The following TAF15 variants were observed in gnomAD, a reference collection of about 807,000 sequenced individuals.
TAF15 encodes the protein TATA-binding protein-associated factor 2N.
TAF15 carries 37 observed loss-of-function variants against 102.5 expected under a neutral mutation model. That is an observed-to-expected ratio of 0.36 (90% CI 0.28 to 0.47). The LOEUF (loss-of-function observed/expected upper bound fraction) is 0.47, where lower values mean the gene tolerates loss of function less well. Among genes scored for constraint, TAF15 ranks in the 20% least tolerant of loss-of-function variants. The pLI, the probability that TAF15 is intolerant of heterozygous loss-of-function variation, is 0.99. For missense variants in TAF15, 652 were observed against 760.7 expected, an observed-to-expected ratio of 0.86 and a Z score of 1.68; for synonymous variants, 273 against 259.2, an observed-to-expected ratio of 1.05 and a Z score of -0.51.
In TAF15 at chr17:35,847,241, T is replaced by A; in HGVS notation, c.*296T>A. The A allele has an allele frequency of 1.7e-6, 1 of 598,322 alleles. No homozygotes were observed. Among genetic ancestry groups the A allele is most frequent in the Non-Finnish European group, 3.0e-6 (1 of 337,336 alleles). 37.1% of individuals were successfully genotyped at this position (598,322 alleles called of 1,614,324 possible). A position where few individuals can be genotyped will look rare whatever the true frequency, so the allele number is the denominator to read the frequency against. On this transcript the variant is annotated 3_prime_UTR_variant, in exon 16 of 16. Transcript: ENST00000605844. ...GGCTGCTTGTTTTTGTGGACTTTTG[T>A]ACATACTAGTGCATTGTTCTGTCAC...
At chr17:35,820,291 A>T in intron 4 of TAF15, 41 bp from the exon 5 acceptor site, 1 of 1,613,862 alleles carries the variant, frequency 6.2e-7, no homozygotes, top group Non-Finnish European at 8.5e-7. Flanking sequence ...AGATTGAAAA[A>T]TCAGAGCCTT....
chr17:35,812,323 G>C (rs536361790), intron 1 of TAF15, among the ~76,000 whole-genome samples: 1 of 152,210 alleles, frequency 6.6e-6, no homozygotes, highest in South Asian at 2.1e-4. Context: ...ACGGCTGGGC[G>C]TGGTGGCTCA....
At position 35,844,618 on chromosome 17, in the gene TAF15, A is replaced by G. The variant is rs1200279896; in HGVS notation, c.1319A>G (p.Asp440Gly). ...AGCAGCGGTGGTGGCTACAGCGGAGATAGAAGTGGGGGCGGCTATGGTGGA... is the reference window on the plus strand; with the variant it reads ...AGCAGCGGTGGTGGCTACAGCGGAGGTAGAAGTGGGGGCGGCTATGGTGGA... ...DRSSGGGYSG[D>G]RSGGGYGGDR... Residue 440 changes from aspartate (D) to glycine (G), a missense_variant, in exon 15 of 16, where the codon GAT (aspartate) becomes GGT (glycine). By Grantham distance (94) the Asp-to-Gly change is moderately conservative (BLOSUM62 -1). Around this residue, in one of 3 missense-constraint regions of TAF15, gnomAD observed 368 missense variants for 367.5 expected, o/e 1.00. Transcript: ENST00000605844. The G allele has an allele frequency of 2.0e-6, 3 of 1,493,154 alleles. No individual in the cohort carries two copies. The highest frequency in any genetic ancestry group is 3.7e-5 in the African/African-American group (2 of 53,862). 92.5% of individuals were successfully genotyped at this position (1,493,154 alleles called of 1,614,324 possible).
In TAF15 at chr17:35,847,230, G is replaced by A. The variant is rs1223238728; in HGVS notation, c.*285G>A. On this transcript the variant is annotated 3_prime_UTR_variant, in exon 16 of 16. Coordinates refer to ENST00000605844, the MANE Select transcript of TAF15 (RefSeq NM_139215.3). Reference sequence around the variant, plus strand: ...ACTGCAATAAAGGCTGCTTGTTTTTGTGGACTTTTGTACATACTAGTGCAT... The same window carrying A: ...ACTGCAATAAAGGCTGCTTGTTTTTATGGACTTTTGTACATACTAGTGCAT... 3.3e-6 allele frequency: 2 copies of A among 599,390 alleles called. No homozygotes were observed. The highest frequency in any genetic ancestry group is 5.9e-5 in the Admixed American group (2 of 33,860). The allele number at this position is 599,390 out of a possible 1,614,324, so 37.1% of individuals were successfully genotyped here. A position where few individuals can be genotyped will look rare whatever the true frequency, so the allele number is the denominator to read the frequency against.
At chr17:35,829,991 T>C (rs1048904632) in intron 7 of TAF15, 1 of 151,790 alleles carries the variant, frequency 6.6e-6, no homozygotes, top group Admixed American at 6.6e-5. Context: ...AATACAAAAA[T>C]TAGCTGGGCA....
At position 35,842,462 on chromosome 17, in the gene TAF15, A is replaced by G. The variant is rs573414793; in HGVS notation, c.1006+3A>G. 169 of 1,610,890 alleles carry G rather than the reference A, an allele frequency of 1.0e-4. No homozygotes were observed. The highest frequency in any genetic ancestry group is 6.8e-4 in the Admixed American group (41 of 59,982). On this transcript the variant is annotated splice_donor_region_variant and intron_variant, in intron 12 of 15. Coordinates refer to ENST00000605844, the MANE Select transcript of TAF15 (RefSeq NM_139215.3). ...TGGAAGTGGAGGTGGGCGGCGAGGT[A>G]AGATCCTTGCTGCGTACAGTCCTGG...
intron 1 of TAF15, among the ~76,000 whole-genome samples, chr17:35,812,583 CAAAAAA>C (rs34497840): frequency 4.5e-5 from 3 of 66,280 alleles, no homozygotes; most frequent in African/African-American, 1.1e-4. Flanking sequence ...AACTCTATCT[CAAAAAA>C]AAAAAAAAAA....
At chr17:35,831,169 G>A (rs190411537) in intron 7 of TAF15, among the ~76,000 whole-genome samples, 15 of 152,266 alleles carry the variant, frequency 9.9e-5, no homozygotes, top group East Asian at 9.7e-4. Context: ...TTGGGAGGCC[G>A]AGACGGGCGG....
rs2143758252 is a variant in TAF15, at chr17:35,820,007, A to G, written c.48-17A>G. On this transcript the variant is annotated splice_polypyrimidine_tract_variant and intron_variant, in intron 2 of 15. Transcript: ENST00000605844. ...TTTCTACACATTTCTTTCAAGTATT[A>G]AATTTTTCTTTTGCAGTTATTCTAC... is the stretch of plus-strand genomic sequence containing the variant. 1 of 1,612,564 alleles carries G rather than the reference A, an allele frequency of 6.2e-7. No individual in the cohort carries two copies. The highest frequency in any genetic ancestry group is 8.5e-7 in the Non-Finnish European group (1 of 1,178,814).
intron 11 of TAF15, among the ~76,000 whole-genome samples, chr17:35,841,715 GGA>G (rs773200764): frequency 2.2e-5 from 2 of 92,836 alleles, no homozygotes; most frequent in East Asian, 2.5e-4. Context: ...TTTTTTTTTT[GGA>G]GAGAGAGTAT....
At position 35,834,187 on chromosome 17, in the gene TAF15, G is replaced by A. The variant is rs889752166; in HGVS notation, c.640+246G>A. 6 of 374,534 alleles carry A rather than the reference G, an allele frequency of 1.6e-5. No individual in the cohort carries two copies. The Admixed American group carries it at 1.7e-4, about 10-fold the overall frequency. The allele number at this position is 374,534 out of a possible 1,614,324, so 23.2% of individuals were successfully genotyped here. On this transcript the variant is annotated intron_variant, in intron 8 of 15. Coordinates refer to ENST00000605844, the MANE Select transcript of TAF15 (RefSeq NM_139215.3). ...CTACACAGTGAATTTGCATGAAAGA[G>A]TCTGTGGTGACCAATGAATGACACC...
At chr17:35,839,980 G>A (rs1287809107) in intron 11 of TAF15, among the ~76,000 whole-genome samples, 1 of 152,024 alleles carries the variant, frequency 6.6e-6, no homozygotes, top group East Asian at 1.9e-4. Flanking sequence ...AGCCTTACAC[G>A]CATTAACTCA....
intron 10 of TAF15, 27 bp downstream of exon 10, chr17:35,836,268 A>G (rs1306390063): frequency 7.0e-7 from 1 of 1,432,610 alleles, no homozygotes; most frequent in Non-Finnish European, 9.8e-7. Flanking sequence ...TATGTTGAAA[A>G]TCTCATAATT....
rs191355316 is a variant in TAF15 at position 35,844,170 on chromosome 17, G to C, written c.1088+12G>C. 18 of 1,614,092 alleles carry C rather than the reference G, an allele frequency of 1.1e-5. No individual in the cohort carries two copies. In the Admixed American group the frequency reaches 1.8e-4, roughly 16 times the overall value. ...GTTTGCCCTAATCCGTAAGTGTCTT[G>C]TTTACTTTGGTGAGAGTAGGGGTTG... On this transcript the variant is annotated intron_variant, in intron 13 of 15. Coordinates refer to ENST00000605844, the MANE Select transcript of TAF15 (RefSeq NM_139215.3).
At chr17:35,812,097 A>G (rs890144081) in intron 1 of TAF15, among the ~76,000 whole-genome samples, 1 of 152,172 alleles carries the variant, frequency 6.6e-6, no homozygotes, top group Non-Finnish European at 1.5e-5. Context: ...GGTAATGGGA[A>G]CTGAGACTCT....
At chr17:35,842,260 A>G (rs933446364) in intron 11 of TAF15, 107 bp from the exon 12 acceptor site, 15 of 789,760 alleles carry the variant, frequency 1.9e-5, no homozygotes, top group South Asian at 1.3e-4. Flanking sequence ...CTGTGAGGAC[A>G]TGTCAGTTAC....
At chr17:35,829,656 AGAG>A (rs1298235635) in intron 7 of TAF15, among the ~76,000 whole-genome samples, 4 of 122,276 alleles carry the variant, frequency 3.3e-5, no homozygotes, top group African/African-American at 1.1e-4. Flanking sequence ...AAAAAAAAAA[AGAG>A]AGAGAGAGAC....
chr17:35,814,752 C>T (rs971203420), intron 1 of TAF15, among the ~76,000 whole-genome samples: 10 of 151,468 alleles, frequency 6.6e-5, no homozygotes, highest in Non-Finnish European at 1.5e-4. Flanking sequence ...ACTCAGGAGG[C>T]GGAGGCGGGA....
chr17:35,822,751 T>C lies in TAF15; in HGVS notation c.402T>C (p.Asn134=). The C allele has an allele frequency of 6.2e-7, 1 of 1,614,196 alleles. No homozygotes were observed. The highest frequency in any genetic ancestry group is 8.5e-7 in the Non-Finnish European group (1 of 1,180,032). The change falls in exon 6 of 16, where the codon AAT becomes AAC. Residue 134 remains asparagine, a synonymous_variant. Transcript: ENST00000605844. Reference sequence around the variant, plus strand: ...AAGGCTCATATGATGAGCAGTCAAATTATGATCAGCAGCATGATTCCTATA... The same window carrying C: ...AAGGCTCATATGATGAGCAGTCAAACTATGATCAGCAGCATGATTCCTATA... The part of the protein sequence containing the change: ...QHQGSYDEQS[N]YDQQHDSYSQ...
Sources: allele counts gnomAD v4.1 joint callset (sites outside exome capture counted in the v4.1 genomes callset), GRCh38; gene constraint gnomAD v4.1.1; regional missense constraint gnomAD v4.1.1; transcripts MANE v1.5; gene names NCBI Gene and HGNC (gene_info 2026-07-23, HGNC 2026-07-21).